ST7: variants seen among roughly 807,000 people sequenced by gnomAD.
The protein encoded by ST7 is suppression of tumorigenicity 7, also known as suppressor of tumorigenicity 7 protein.
A neutral mutation model predicts 78.7 loss-of-function variants in ST7; 28 were observed. The ratio of observed to expected loss-of-function variants is 0.36; its 90% CI spans 0.26 to 0.49. The LOEUF is 0.49. Ranked by LOEUF, ST7 falls within the 20% of genes least tolerant of loss-of-function variation. The pLI, the probability that ST7 is intolerant of heterozygous loss-of-function variation, is 0.99. For missense variants in ST7, 418 were observed against 696.0 expected (o/e 0.60, Z 4.49); for synonymous variants, 247 against 249.6 (o/e 0.99, Z 0.10).
Position 117,190,787 on chromosome 7 carries a change from C to T in ST7, c.1152-47C>T. On this transcript the variant is annotated intron_variant, in intron 11 of 15. Coordinates refer to ENST00000323984, the MANE Select transcript of ST7 (RefSeq NM_001369598.1). This position sits in a 1 kb window ranked among gnomAD's most constrained non-coding sequence, Gnocchi z 5.2. ...TGTGTAGATGCTTCCGGGTTGATGC[C>T]CAAGCAGTGGTCCCACCTGGATGGT... 1.3e-6 allele frequency: 2 copies of T among 1,522,990 alleles called. No homozygotes were observed. The allele number at this position is 1,522,990 out of a possible 1,614,324, so 94.3% of individuals were successfully genotyped here. A position where few individuals can be genotyped will look rare whatever the true frequency, so the allele number is the denominator to read the frequency against.
chr7:117,186,204 G>A (rs914455571), intron 10 of ST7, among the ~76,000 whole-genome samples: 1 of 152,000 alleles, frequency 6.6e-6, no homozygotes, highest in Non-Finnish European at 1.5e-5. Flanking sequence ...TTTTTATTAA[G>A]TTGAGAAGTT....
chr7:116,968,446 A>G (rs75426396), intron 1 of ST7: 6,015 of 452,944 alleles, frequency 0.013, 294 homozygotes, highest in African/African-American at 0.11. Context: ...GGGCTCAAGC[A>G]ATCCTTCTGC....
At chr7:117,141,455 G>A (rs567173199) in intron 9 of ST7, among the ~76,000 whole-genome samples, 5 of 152,128 alleles carry the variant, frequency 3.3e-5, no homozygotes, top group East Asian at 3.9e-4. Flanking sequence ...TAAACACGTC[G>A]ACTCCTTAAC....
intron 1 of ST7, among the ~76,000 whole-genome samples, chr7:117,074,372 T>C (rs906788270): frequency 4.6e-5 from 7 of 152,056 alleles, no homozygotes; most frequent in African/African-American, 1.7e-4. Context: ...ACATGGGCAA[T>C]AGAGTGAGAC....
intron 1 of ST7, among the ~76,000 whole-genome samples, chr7:116,998,415 C>T (rs996056843): frequency 3.9e-5 from 6 of 152,216 alleles, no homozygotes; most frequent in East Asian, 3.9e-4. Flanking sequence ...GAGCTGGCTC[C>T]GGCCTCGGCC....
intron 1 of ST7, among the ~76,000 whole-genome samples, chr7:117,002,812 C>CCT (rs1794992147): frequency 1.2e-5 from 1 of 85,774 alleles, no homozygotes; most frequent in African/African-American, 4.4e-5. Flanking sequence ...AATTTTTTTT[C>CCT]CTTTTTTTTT....
intron 1 of ST7, among the ~76,000 whole-genome samples, chr7:117,012,413 G>A (rs7810338): frequency 0.98 from 149,540 of 152,216 alleles, 73,519 homozygotes; most frequent in East Asian, 1. Flanking sequence ...TAGATAAGTT[G>A]TTTATCCTCC....
chr7:117,053,297 T>C (rs927128534), intron 1 of ST7, among the ~76,000 whole-genome samples: 1 of 152,198 alleles, frequency 6.6e-6, no homozygotes, highest in Non-Finnish European at 1.5e-5. Context: ...CTAAAAACCC[T>C]AGTCTCCTGG....
intron 1 of ST7, among the ~76,000 whole-genome samples, chr7:117,040,365 T>A (rs2116280865): frequency 6.6e-6 from 1 of 151,974 alleles, no homozygotes; most frequent in Middle Eastern, 3.4e-3. Flanking sequence ...AGAGCGAAAT[T>A]CTGTCTCAAA....
At chr7:117,055,297 A>G (rs1798005061) in intron 1 of ST7, among the ~76,000 whole-genome samples, 1 of 151,786 alleles carries the variant, frequency 6.6e-6, no homozygotes, top group Non-Finnish European at 1.5e-5. Context: ...CCGTCTCCTG[A>G]GTTCAAGCAA....
At chr7:117,013,834 A>C (rs1261188339) in intron 1 of ST7, among the ~76,000 whole-genome samples, 1 of 152,224 alleles carries the variant, frequency 6.6e-6, no homozygotes, top group Non-Finnish European at 1.5e-5. Flanking sequence ...CTCCGCCAAA[A>C]ATAAATAAAA....
chr7:117,135,972 C>T (rs1804757691), intron 7 of ST7, 109 bp from the exon 8 acceptor site: 3 of 1,172,988 alleles, frequency 2.6e-6, no homozygotes, highest in Admixed American at 4.4e-5. Context: ...AACCAGTTGG[C>T]CACTCTGCAT....
At chr7:117,121,621 C>CT (rs1463196421) in intron 3 of ST7, among the ~76,000 whole-genome samples, 24 of 152,098 alleles carry the variant, frequency 1.6e-4, no homozygotes, top group Admixed American at 1.6e-3. Flanking sequence ...TGGCTCTCTC[C>CT]TTAAAGGGGC....
intron 1 of ST7, among the ~76,000 whole-genome samples, chr7:117,091,453 T>C (rs1800608473): frequency 6.6e-6 from 1 of 152,226 alleles, no homozygotes; most frequent in South Asian, 2.1e-4. Flanking sequence ...TTTATTTCCA[T>C]ATTAAAAAAA....
At chr7:117,111,925 A>G (rs1191934456) in intron 2 of ST7, among the ~76,000 whole-genome samples, 1 of 152,206 alleles carries the variant, frequency 6.6e-6, no homozygotes, top group Admixed American at 6.5e-5. Context: ...TAGAATGCAT[A>G]CAATTCTGTA....
intron 1 of ST7, among the ~76,000 whole-genome samples, chr7:117,013,628 G>A (rs1390856054): frequency 2.0e-5 from 3 of 152,312 alleles, no homozygotes; most frequent in African/African-American, 7.2e-5. Flanking sequence ...AGGAGTTCGA[G>A]ATCAGCCTAG....
chr7:117,057,811 T>C (rs1165387956), intron 1 of ST7, among the ~76,000 whole-genome samples: 1 of 152,184 alleles, frequency 6.6e-6, no homozygotes, highest in East Asian at 1.9e-4. Flanking sequence ...GGGCCTGTCA[T>C]ATTAATTTTC....
intron 10 of ST7, among the ~76,000 whole-genome samples, chr7:117,172,143 G>C (rs1377597937): frequency 6.6e-6 from 1 of 151,972 alleles, no homozygotes; most frequent in Admixed American, 6.6e-5. Flanking sequence ...TGTAGAGACT[G>C]GTTATCGTTA....
At chr7:117,066,801 GT>G (rs574985262) in intron 1 of ST7, among the ~76,000 whole-genome samples, 162 of 150,690 alleles carry the variant, frequency 1.1e-3, no homozygotes, top group Non-Finnish European at 1.4e-3. Context: ...GGATTCAGTG[GT>G]TTTTAGTATG....
Sources: gnomAD v4.1 joint callset for allele counts (sites outside exome capture counted in the v4.1 genomes callset) on GRCh38, gnomAD v4.1.1 for gene constraint, Gnocchi (gnomAD v3.1) non-coding constraint, MANE v1.5 for transcripts, NCBI Gene and HGNC (gene_info 2026-07-23, HGNC 2026-07-21) for gene names.